Variants in CCSER1 observed in about 807,000 individuals in gnomAD.
CCSER1 encodes the protein serine-rich coiled-coil domain-containing protein 1.
In CCSER1, 41 loss-of-function variants were observed where a neutral mutation model predicts 82.0. The observed-to-expected ratio is 0.50, with a 90% CI of 0.39 to 0.65. The LOEUF (loss-of-function observed/expected upper bound fraction) is 0.65. Ranked by LOEUF, CCSER1 falls within the 30% of genes least tolerant of loss-of-function variation. The pLI, the probability that CCSER1 is intolerant of heterozygous loss-of-function variation, is 0.00. For missense variants in CCSER1, 1,119 were observed against 1,064.2 expected (o/e 1.05, Z -0.72); for synonymous variants, 414 against 383.9 (o/e 1.08, Z -0.92).
intron 10 of CCSER1, among the ~76,000 whole-genome samples, chr4:91,211,066 T>C (rs1394616684): frequency 2.0e-5 from 3 of 151,984 alleles, no homozygotes; most frequent in Non-Finnish European, 2.9e-5. Context: ...TGGGAAATGA[T>C]TCATGATTTT....
At chr4:90,316,243 A>G (rs1579139545) in intron 3 of CCSER1, among the ~76,000 whole-genome samples, 1 of 152,242 alleles carries the variant, frequency 6.6e-6, no homozygotes, top group African/African-American at 2.4e-5. Flanking sequence ...CATAGCTCAT[A>G]AATGGCAGAG....
chr4:90,762,149 G>A (rs1385365503), intron 7 of CCSER1, among the ~76,000 whole-genome samples: 1 of 152,122 alleles, frequency 6.6e-6, no homozygotes, highest in African/African-American at 2.4e-5. Context: ...GGACCCGACA[G>A]GAGGTAATTG....
intron 9 of CCSER1, among the ~76,000 whole-genome samples, chr4:91,037,905 A>G (rs1741592160): frequency 6.6e-6 from 1 of 152,148 alleles, no homozygotes; most frequent in South Asian, 2.1e-4. Flanking sequence ...TACAACAGAC[A>G]TATCTCTGGA....
intron 5 of CCSER1, among the ~76,000 whole-genome samples, chr4:90,619,498 G>T (rs1721917786): frequency 6.6e-6 from 1 of 152,066 alleles, no homozygotes; most frequent in Non-Finnish European, 1.5e-5. Context: ...CCGCCAACCT[G>T]TGATATTTTG....
At chr4:90,159,120 A>G (rs938083777) in intron 1 of CCSER1, among the ~76,000 whole-genome samples, 2 of 152,062 alleles carry the variant, frequency 1.3e-5, no homozygotes, top group Admixed American at 1.3e-4. Flanking sequence ...TGCAGCCTCA[A>G]ACTCCTGAGC....
chr4:90,368,955 T>G (rs9884875), intron 3 of CCSER1, among the ~76,000 whole-genome samples: 55,984 of 151,484 alleles, frequency 0.37, 11,104 homozygotes, highest in African/African-American at 0.48. Flanking sequence ...CACTAATCAA[T>G]AAAATAAAAA....
intron 10 of CCSER1, among the ~76,000 whole-genome samples, chr4:91,313,525 G>A (rs997854734): frequency 4.0e-5 from 6 of 151,726 alleles, no homozygotes; most frequent in East Asian, 1.9e-4. Flanking sequence ...CATCTTTCTC[G>A]GTTGATGCCT....
chr4:91,157,546 A>G (rs532912586), intron 10 of CCSER1, among the ~76,000 whole-genome samples: 2 of 152,076 alleles, frequency 1.3e-5, no homozygotes, highest in South Asian at 4.2e-4. Flanking sequence ...AATGTGCGGA[A>G]ATCTTAAACT....
intron 5 of CCSER1, among the ~76,000 whole-genome samples, chr4:90,510,110 A>G (rs1279189368): frequency 6.6e-6 from 1 of 152,174 alleles, no homozygotes; most frequent in Non-Finnish European, 1.5e-5. Context: ...TGATATTGAA[A>G]GAATTCTTAA....
intron 8 of CCSER1, among the ~76,000 whole-genome samples, chr4:90,835,214 C>G (rs1466687740): frequency 6.6e-6 from 1 of 152,022 alleles, no homozygotes; most frequent in Non-Finnish European, 1.5e-5. Flanking sequence ...GCCTGTAGTC[C>G]CAGCTACTCA....
intron 10 of CCSER1, among the ~76,000 whole-genome samples, chr4:91,489,864 C>T (rs988031753): frequency 3.9e-5 from 6 of 152,084 alleles, no homozygotes; most frequent in Non-Finnish European, 8.8e-5. Flanking sequence ...AAAAACAACC[C>T]GAATATATAT....
At chr4:90,660,221 C>A (rs1730508477) in intron 6 of CCSER1, among the ~76,000 whole-genome samples, 1 of 152,072 alleles carries the variant, frequency 6.6e-6, no homozygotes, top group South Asian at 2.1e-4. Flanking sequence ...CAAAAAGATA[C>A]CTGCACTCAC....
At position 91,324,528 on chromosome 4, in the gene CCSER1, GAAC is replaced by G. The variant is rs10565757; in HGVS notation, c.2217+238537_2217+238539del. On this transcript the variant is annotated intron_variant, in intron 10 of 10. Coordinates refer to ENST00000509176, the MANE Select transcript of CCSER1 (RefSeq NM_001145065.2). ...TAAGCTTAAAGAAAAATATTACATA[GAAC>G]AATATTGTATTATTTAAGAATACAG... Among the ~76,000 whole-genome samples the G allele has an allele frequency of 7.3e-3, 1,117 of 152,090 alleles. 5 individuals are homozygous for G. The highest frequency in any genetic ancestry group is 0.026 in the African/African-American group (1,072 of 41,512).
intron 9 of CCSER1, among the ~76,000 whole-genome samples, chr4:91,082,190 C>T (rs963577296): frequency 8.5e-5 from 13 of 152,148 alleles, no homozygotes; most frequent in East Asian, 3.9e-4. Flanking sequence ...GTAACCAAAA[C>T]GGCATGGTAC....
intron 7 of CCSER1, among the ~76,000 whole-genome samples, chr4:90,740,862 T>G (rs1746438454): frequency 6.6e-6 from 1 of 152,312 alleles, no homozygotes; most frequent in African/African-American, 2.4e-5. Context: ...TCTGTTTTGC[T>G]TACTTTAATC....
At chr4:90,479,398 C>CT (rs1258688460) in intron 5 of CCSER1, among the ~76,000 whole-genome samples, 1 of 152,034 alleles carries the variant, frequency 6.6e-6, no homozygotes, top group Admixed American at 6.6e-5. Context: ...TCTTTTTATA[C>CT]TTTAAGTTTT....
At chr4:91,552,279 A>G (rs569946186) in intron 10 of CCSER1, among the ~76,000 whole-genome samples, 1 of 151,826 alleles carries the variant, frequency 6.6e-6, no homozygotes, top group South Asian at 2.1e-4. Flanking sequence ...AGACCCTCAA[A>G]TATTCTTATT....
intron 6 of CCSER1, among the ~76,000 whole-genome samples, chr4:90,684,316 A>C (rs1734420341): frequency 6.6e-6 from 1 of 152,208 alleles, no homozygotes; most frequent in Non-Finnish European, 1.5e-5. Flanking sequence ...TCTTATTTCT[A>C]AAATGAGATT....
intron 6 of CCSER1, among the ~76,000 whole-genome samples, chr4:90,665,152 A>G (rs1447851432): frequency 6.6e-6 from 1 of 152,100 alleles, no homozygotes; most frequent in Non-Finnish European, 1.5e-5. Context: ...AGGTGGTAGG[A>G]TATAGTATAT....
Sources: allele counts gnomAD v4.1 joint callset (sites outside exome capture counted in the v4.1 genomes callset), GRCh38; gene constraint gnomAD v4.1.1; transcripts MANE v1.5; gene names NCBI Gene and HGNC (gene_info 2026-07-23, HGNC 2026-07-21).